The following HMCN1 variants were observed in gnomAD, a reference collection of about 807,000 sequenced individuals.
The protein encoded by HMCN1 is hemicentin-1.
In HMCN1, 321 loss-of-function variants were observed where a neutral mutation model predicts 625.9. The ratio of observed to expected loss-of-function variants is 0.51; its 90% confidence interval spans 0.47 to 0.56. HMCN1 has a LOEUF of 0.56. HMCN1 is among the 20% of genes least tolerant of loss of function. HMCN1 has a pLI of 0.00. For missense variants in HMCN1, 6,588 were observed against 6,887.3 expected (o/e 0.96, Z 1.54); for synonymous variants, 2,425 against 2,417.6 (o/e 1.00, Z -0.09).
chr1:185,885,904 C>T (rs113099612), intron 4 of HMCN1, among the ~76,000 whole-genome samples: 1 of 151,922 alleles, frequency 6.6e-6, no homozygotes, highest in Non-Finnish European at 1.5e-5. Flanking sequence ...AGGAATGATT[C>T]CATGGCATGT....
intron 68 of HMCN1, among the ~76,000 whole-genome samples, chr1:186,101,674 T>C (rs1328417340): frequency 6.6e-6 from 1 of 152,104 alleles, no homozygotes; most frequent in Non-Finnish European, 1.5e-5. Flanking sequence ...CACAAGAGCA[T>C]GTTAATACTG....
intron 35 of HMCN1, 142 bp from the exon 36 acceptor site, chr1:186,022,888 A>G: frequency 1.2e-6 from 1 of 800,194 alleles, no homozygotes; most frequent in South Asian, 1.5e-5. Flanking sequence ...AACTCGCTCT[A>G]GTCTATCAAG....
chr1:185,924,776 G>T (rs1667188442), intron 8 of HMCN1, among the ~76,000 whole-genome samples: 1 of 151,608 alleles, frequency 6.6e-6, no homozygotes, highest in South Asian at 2.1e-4. Context: ...TATCTTGGTG[G>T]TACAAAAAAA....
chr1:185,833,277 A>G (rs1395099915), intron 1 of HMCN1, among the ~76,000 whole-genome samples: 2 of 152,182 alleles, frequency 1.3e-5, no homozygotes, highest in Non-Finnish European at 2.9e-5. Flanking sequence ...GTTCCTTATC[A>G]CTTCTATCAA....
intron 55 of HMCN1, among the ~76,000 whole-genome samples, chr1:186,079,241 C>T (rs192232840): frequency 5.7e-4 from 87 of 152,296 alleles, no homozygotes; most frequent in Non-Finnish European, 6.9e-4. Flanking sequence ...CCGTGCATAG[C>T]TCTATGGCTG....
At chr1:186,115,994 C>A (rs1661116459) in intron 75 of HMCN1, among the ~76,000 whole-genome samples, 1 of 151,960 alleles carries the variant, frequency 6.6e-6, no homozygotes, top group Non-Finnish European at 1.5e-5. Context: ...CTCACCTGAG[C>A]TATCAGATTA....
intron 42 of HMCN1, among the ~76,000 whole-genome samples, chr1:186,050,563 T>G (rs1378958536): frequency 6.6e-6 from 1 of 151,924 alleles, no homozygotes; most frequent in Non-Finnish European, 1.5e-5. Context: ...ATGAGTAAGT[T>G]TGATATGGAT....
At chr1:185,803,205 CAAAAAAAA>C in intron 1 of HMCN1, among the ~76,000 whole-genome samples, 12 of 58,756 alleles carry the variant, frequency 2.0e-4, no homozygotes, top group African/African-American at 4.5e-4. Flanking sequence ...AAAAAAAAAG[CAAAAAAAA>C]AAAAAAAAAA....
chr1:186,160,501 A>C (rs1356364529), intron 97 of HMCN1, among the ~76,000 whole-genome samples: 3 of 150,612 alleles, frequency 2.0e-5, no homozygotes, highest in Non-Finnish European at 4.4e-5. Flanking sequence ...TAATTCTTTT[A>C]ATTGTGATGT....
intron 1 of HMCN1, among the ~76,000 whole-genome samples, chr1:185,809,419 A>G (rs1475501267): frequency 6.6e-6 from 1 of 151,874 alleles, no homozygotes; most frequent in African/African-American, 2.4e-5. Flanking sequence ...ACATCACTAG[A>G]CATTCCTGGG....
intron 4 of HMCN1, among the ~76,000 whole-genome samples, chr1:185,889,952 G>T (rs1241894491): frequency 6.7e-6 from 1 of 149,056 alleles, no homozygotes; most frequent in Non-Finnish European, 1.5e-5. Context: ...GACACTTTTT[G>T]GTTGGTAAGC....
intron 89 of HMCN1, among the ~76,000 whole-genome samples, chr1:186,138,193 G>A (rs557828197): frequency 6.8e-4 from 103 of 152,240 alleles, no homozygotes; most frequent in Middle Eastern, 3.4e-3. Context: ...AATTGAACTT[G>A]AAGAAAGGGT....
intron 94 of HMCN1, 72 bp downstream of exon 94, chr1:186,151,421 T>G: frequency 6.9e-7 from 1 of 1,448,018 alleles, no homozygotes; most frequent in Non-Finnish European, 9.6e-7. Context: ...CCATTAAAGT[T>G]CTAGAGAATG....
chr1:185,838,498 C>T (rs1456868425), intron 1 of HMCN1, among the ~76,000 whole-genome samples: 1 of 152,094 alleles, frequency 6.6e-6, no homozygotes, highest in Non-Finnish European at 1.5e-5. Context: ...ATTGGGGAAC[C>T]TGTAGGAGCA....
At chr1:185,871,552 T>C (rs1663622844) in intron 4 of HMCN1, among the ~76,000 whole-genome samples, 1 of 152,158 alleles carries the variant, frequency 6.6e-6, no homozygotes, top group African/African-American at 2.4e-5. Flanking sequence ...CTAGTGACCG[T>C]TTTTGGTTTT....
At chr1:185,738,584 G>C (rs988004179) in intron 1 of HMCN1, among the ~76,000 whole-genome samples, 6 of 152,116 alleles carry the variant, frequency 3.9e-5, no homozygotes, top group African/African-American at 1.4e-4. Flanking sequence ...CCTGGCAGTG[G>C]AATTGCTGGG....
chr1:185,960,944 A>G (rs551978470), intron 11 of HMCN1, among the ~76,000 whole-genome samples: 1 of 152,312 alleles, frequency 6.6e-6, no homozygotes, highest in East Asian at 1.9e-4. Flanking sequence ...TGGAATCACA[A>G]TTTGAACTTA....
chr1:185,777,294 C>A (rs1176337786), intron 1 of HMCN1, among the ~76,000 whole-genome samples: 1 of 152,120 alleles, frequency 6.6e-6, no homozygotes, highest in Non-Finnish European at 1.5e-5. Flanking sequence ...CTTCTTATAC[C>A]TCTATAAGGT....
At chr1:185,794,962 C>A (rs1184566907) in intron 1 of HMCN1, among the ~76,000 whole-genome samples, 1 of 152,138 alleles carries the variant, frequency 6.6e-6, no homozygotes, top group Non-Finnish European at 1.5e-5. Context: ...ATATTTACAT[C>A]AGTTCTGGAA....
Sources: gnomAD v4.1 joint callset for allele counts (sites outside exome capture counted in the v4.1 genomes callset) on GRCh38, gnomAD v4.1.1 for gene constraint, MANE v1.5 for transcripts, NCBI Gene and HGNC (gene_info 2026-07-23, HGNC 2026-07-21) for gene names.